GABRR2: variants seen among roughly 807,000 people sequenced by gnomAD.
The protein encoded by GABRR2 is gamma-aminobutyric acid type A receptor subunit rho2.
A neutral mutation model predicts 47.0 loss-of-function variants in GABRR2; 36 were observed. The observed-to-expected ratio is 0.77, with a 90% CI of 0.59 to 1.01. GABRR2 has a LOEUF of 1.01. Among genes scored for constraint, GABRR2 ranks in the 50% least tolerant of loss-of-function variants. GABRR2 has a pLI of 0.00. For missense variants in GABRR2, 587 were observed against 594.6 expected, an observed-to-expected ratio of 0.99 and a Z score of 0.13; for synonymous variants, 204 against 227.5, an observed-to-expected ratio of 0.90 and a Z score of 0.93.
chr6:89,296,676 A>G (rs898572909), intron 2 of GABRR2, among the ~76,000 whole-genome samples: 1 of 152,256 alleles, frequency 6.6e-6, no homozygotes, highest in Admixed American at 6.5e-5. Flanking sequence ...AGAAGGGCCC[A>G]GCAGATGCAG....
chr6:89,302,125 C>G (rs1434154257), intron 1 of GABRR2: 3 of 606,620 alleles, frequency 4.9e-6, no homozygotes, highest in Non-Finnish European at 9.5e-6. Context: ...TGGTGGATTC[C>G]CTCCTGGATG....
rs1397410576 is a variant in GABRR2, at chr6:89,292,775, ATATC to A, written c.220+6980_220+6983del. ...ATATCGTATATACGATATATCGTAT[ATATC>A]GTATATACGATATATCGTATATATC... On this transcript the variant is annotated intron_variant, in intron 2 of 8. Transcript: ENST00000402938. Among the ~76,000 whole-genome samples the A allele has an allele frequency of 2.1e-4, 9 of 42,974 alleles. 1 individual carries two copies. Among genetic ancestry groups the A allele is most frequent in the African/African-American group, 1.7e-3 (9 of 5,218 alleles). The allele number at this position is 42,974 out of a possible 152,430, so 28.2% of individuals were successfully genotyped here. A position where few individuals can be genotyped will look rare whatever the true frequency, so the allele number is the denominator to read the frequency against.
At chr6:89,276,519 A>G (rs1774164995) in intron 2 of GABRR2, among the ~76,000 whole-genome samples, 1 of 152,166 alleles carries the variant, frequency 6.6e-6, no homozygotes, top group African/African-American at 2.4e-5. Flanking sequence ...AATGTGATGA[A>G]GGAGAGCTAC....
intron 1 of GABRR2, among the ~76,000 whole-genome samples, chr6:89,305,140 A>G (rs1277612502): frequency 2.0e-5 from 3 of 149,666 alleles, no homozygotes; most frequent in African/African-American, 7.4e-5. Context: ...GGTGGATCAC[A>G]GGCCAGGAAT....
intron 1 of GABRR2, among the ~76,000 whole-genome samples, chr6:89,311,091 C>T (rs1018326130): frequency 6.6e-6 from 1 of 152,190 alleles, no homozygotes; most frequent in African/African-American, 2.4e-5. Context: ...GCCTTGCCTC[C>T]AGGAGTCAAG....
At chr6:89,302,608 G>A (rs892839772) in intron 1 of GABRR2, 5 of 1,204,488 alleles carry the variant, frequency 4.2e-6, no homozygotes, top group African/African-American at 3.1e-5. Flanking sequence ...CAGCATTACC[G>A]GGCCCTGACC....
At position 89,285,762 on chromosome 6, in the gene GABRR2, T is replaced by C. The variant is rs920311451; in HGVS notation, c.220+13997A>G. On this transcript the variant is annotated intron_variant, in intron 2 of 8. Coordinates refer to ENST00000402938, the MANE Select transcript of GABRR2 (RefSeq NM_002043.5). ...GTCCTGGTGGCCGCTTCCTTTTTGC[T>C]GTCAGACTTCCACCATCCCATCTGG... Among the ~76,000 whole-genome samples, 8 of 152,290 alleles carry C rather than the reference T, an allele frequency of 5.3e-5. No homozygotes were observed. The East Asian group carries it at 9.6e-4, about 18-fold the overall frequency.
intron 2 of GABRR2, among the ~76,000 whole-genome samples, chr6:89,281,282 C>T (rs1438835851): frequency 4.6e-5 from 7 of 152,334 alleles, no homozygotes; most frequent in Admixed American, 2.6e-4. Context: ...GGACACATCA[C>T]AGAAGTGAAA....
intron 2 of GABRR2, among the ~76,000 whole-genome samples, chr6:89,283,909 A>C (rs1171989150): frequency 1.3e-5 from 2 of 152,202 alleles, no homozygotes; most frequent in African/African-American, 4.8e-5. Context: ...TATTTGAAGG[A>C]TAGTCATGTG....
chr6:89,311,466 T>C (rs1767680798), intron 1 of GABRR2, among the ~76,000 whole-genome samples: 1 of 152,160 alleles, frequency 6.6e-6, no homozygotes, highest in Non-Finnish European at 1.5e-5. Flanking sequence ...ATGCTCTCCA[T>C]TCATCCTTTC....
At chr6:89,259,492 CT>C (rs1241455021) in intron 8 of GABRR2, among the ~76,000 whole-genome samples, 1 of 145,412 alleles carries the variant, frequency 6.9e-6, no homozygotes, top group Non-Finnish European at 1.5e-5. Context: ...AGTAACACTT[CT>C]TTTTTTTTGT....
At chr6:89,258,059 C>G in intron 8 of GABRR2, 78 bp from the exon 9 acceptor site, 1 of 1,315,692 alleles carries the variant, frequency 7.6e-7, no homozygotes, top group Non-Finnish European at 1.0e-6. Context: ...AAGAGCAAAG[C>G]CACATTGCTA....
chr6:89,280,955 TC>T (rs1386772299), intron 2 of GABRR2, among the ~76,000 whole-genome samples: 1 of 152,266 alleles, frequency 6.6e-6, no homozygotes, highest in Non-Finnish European at 1.5e-5. Flanking sequence ...TGAAATTTTG[TC>T]AAACTTGTGA....
chr6:89,315,162 G>C lies in GABRR2; in HGVS notation c.4C>G (p.Pro2Ala). The change falls in exon 1 of 9, where the codon CCT (proline) becomes GCT (alanine). Residue 2 changes from proline to alanine, a missense_variant. By Grantham distance (27) the Pro-to-Ala change is conservative (BLOSUM62 -1). Transcript: ENST00000402938. M[P>A]YFTRLILFLF... is the part of the protein sequence containing the mutation. ...AACAAAATGAGTCTTGTAAAATAAG[G>C]CATTTTGTGGACATCTGTGAGGCAA... The C allele has an allele frequency of 6.2e-7, 1 of 1,613,802 alleles. No homozygotes were observed. Among genetic ancestry groups the C allele is most frequent in the Non-Finnish European group, 8.5e-7 (1 of 1,179,830 alleles).
In GABRR2 at chr6:89,256,639, C is replaced by T. The variant is rs1329596484; in HGVS notation, c.*1031G>A. Among the ~76,000 whole-genome samples, 2 of 152,126 alleles carry T rather than the reference C, an allele frequency of 1.3e-5. No homozygotes were observed. The highest frequency in any genetic ancestry group is 2.9e-5 in the Non-Finnish European group (2 of 68,018). On this transcript the variant is annotated 3_prime_UTR_variant, in exon 9 of 9. Coordinates refer to ENST00000402938, the MANE Select transcript of GABRR2 (RefSeq NM_002043.5). ...CCAACAATGTGATTTATGATAGGTG[C>T]CCTGGACCTCAAGGTACCAGCTTAA... is the stretch of plus-strand genomic sequence containing the variant.
intron 1 of GABRR2, among the ~76,000 whole-genome samples, chr6:89,314,650 G>A (rs117744594): frequency 6.6e-5 from 10 of 152,228 alleles, no homozygotes; most frequent in Non-Finnish European, 1.5e-4. Context: ...TAATAGTTCA[G>A]GCTAGGTTCC....
In GABRR2 at chr6:89,315,293, G is replaced by C. The variant is rs113799788; in HGVS notation, c.-128C>G. The C allele has an allele frequency of 1.0e-3, 1,617 of 1,553,986 alleles. 16 individuals carry two copies. The African/African-American group carries it at 0.02, about 19-fold the overall frequency. ...TGCTCTGAGGGGCTGTGAGGGCAAG[G>C]CTGGCCAGGCTAGTTGTCCCGATTT... On this transcript the variant is annotated 5_prime_UTR_variant, in exon 1 of 9. Coordinates refer to ENST00000402938, the MANE Select transcript of GABRR2 (RefSeq NM_002043.5).
At chr6:89,302,125 C>A in intron 1 of GABRR2, 1 of 606,734 alleles carries the variant, frequency 1.6e-6, no homozygotes. Flanking sequence ...TGGTGGATTC[C>A]CTCCTGGATG....
In GABRR2 at chr6:89,299,749, A is replaced by T; in HGVS notation, c.220+10T>A. ...ACCTCCCACCTGGCATCAAGGAAGA[A>T]CAGTCCTACCTCCGAAGGCGGGTCT... On this transcript the variant is annotated intron_variant, in intron 2 of 8. Transcript: ENST00000402938. 6.2e-7 allele frequency: 1 copy of T among 1,602,070 alleles called. No individual in the cohort carries two copies. Among genetic ancestry groups the T allele is most frequent in the Non-Finnish European group, 8.6e-7 (1 of 1,169,114 alleles).
Sources: gnomAD v4.1 joint callset for allele counts (sites outside exome capture counted in the v4.1 genomes callset) on GRCh38, gnomAD v4.1.1 for gene constraint, MANE v1.5 for transcripts, NCBI Gene and HGNC (gene_info 2026-07-23, HGNC 2026-07-21) for gene names.